Variants in FBXO4 observed in about 807,000 individuals in gnomAD.
The protein encoded by FBXO4 is F-box protein 4.
In FBXO4, 36 loss-of-function variants were observed where a neutral mutation model predicts 43.7. The observed-to-expected ratio is 0.82, with a 90% CI of 0.63 to 1.09. FBXO4 has a LOEUF of 1.09. Ranked by LOEUF, FBXO4 falls within the 50% of genes least tolerant of loss-of-function variation. The pLI is 0.00. For missense variants in FBXO4, 435 were observed against 474.1 expected, an observed-to-expected ratio of 0.92 and a Z score of 0.77; for synonymous variants, 180 against 165.6, an observed-to-expected ratio of 1.09 and a Z score of -0.67.
the FBXO4 span, among the ~76,000 whole-genome samples, chr5:42,014,508 C>A: frequency 1.3e-5 from 2 of 152,150 alleles, no homozygotes; most frequent in South Asian, 4.1e-4. Flanking sequence ...CCTCATGAGT[C>A]AGACAGGTTT....
the FBXO4 span, among the ~76,000 whole-genome samples, chr5:41,994,189 C>T: frequency 6.6e-6 from 1 of 152,108 alleles, no homozygotes; most frequent in Admixed American, 6.5e-5. Flanking sequence ...CACCAATCCC[C>T]AAACAAAATG....
the FBXO4 span, among the ~76,000 whole-genome samples, chr5:42,025,185 G>T: frequency 1.4e-4 from 22 of 151,926 alleles, no homozygotes; most frequent in Admixed American, 1.1e-3. Context: ...AGTGGATAGG[G>T]TTCCCTTTTC....
At chr5:41,934,053 A>G in intron 4 of FBXO4, 32 bp downstream of exon 4, 1 of 1,611,338 alleles carries the variant, frequency 6.2e-7, no homozygotes, top group African/African-American at 1.3e-5. Flanking sequence ...CTTAACTGAA[A>G]CATCAGAACT....
the FBXO4 span, among the ~76,000 whole-genome samples, chr5:41,996,876 C>T: frequency 2.0e-5 from 3 of 152,320 alleles, no homozygotes; most frequent in South Asian, 6.2e-4. Flanking sequence ...TCCTCTGGCA[C>T]ACAAATGTCT....
the FBXO4 span, among the ~76,000 whole-genome samples, chr5:42,009,486 A>G: frequency 6.6e-6 from 1 of 151,602 alleles, no homozygotes; most frequent in South Asian, 2.1e-4. Context: ...AAACTTTTCT[A>G]CTTTTGTTAT....
the FBXO4 span, among the ~76,000 whole-genome samples, chr5:41,987,813 C>T: frequency 6.6e-6 from 1 of 152,186 alleles, no homozygotes; most frequent in Non-Finnish European, 1.5e-5. Context: ...TTTTAATCTT[C>T]AGCATTTCAT....
the FBXO4 span, among the ~76,000 whole-genome samples, chr5:42,016,470 G>T: frequency 1.3e-5 from 2 of 151,192 alleles, no homozygotes; most frequent in Non-Finnish European, 2.9e-5. Flanking sequence ...AAGGATAGCA[G>T]ACTAGAAAAA....
chr5:42,007,293 A>G, the FBXO4 span, among the ~76,000 whole-genome samples: 1 of 151,830 alleles, frequency 6.6e-6, no homozygotes, highest in African/African-American at 2.4e-5. Flanking sequence ...GATTTATGAT[A>G]TTTTCATTTT....
the FBXO4 span, among the ~76,000 whole-genome samples, chr5:42,012,778 C>T: frequency 6.6e-6 from 1 of 152,262 alleles, no homozygotes; most frequent in Admixed American, 6.5e-5. Context: ...CTGCATATAA[C>T]TTCTGGCTCT....
chr5:41,944,497 T>A (rs1469321336), downstream of FBXO4, among the ~76,000 whole-genome samples: 15 of 152,332 alleles, frequency 9.8e-5, no homozygotes, highest in Non-Finnish European at 8.8e-5. Flanking sequence ...ACTTAGTGTT[T>A]GTGAAATTAT....
the FBXO4 span, among the ~76,000 whole-genome samples, chr5:41,994,501 C>A: frequency 2.0e-5 from 3 of 152,206 alleles, no homozygotes; most frequent in South Asian, 6.2e-4. Context: ...GATGGAGTGA[C>A]CCCAACCTTC....
the FBXO4 span, among the ~76,000 whole-genome samples, chr5:42,024,655 A>G: frequency 6.6e-6 from 1 of 151,942 alleles, no homozygotes; most frequent in Admixed American, 6.6e-5. Context: ...TTCATTCTTT[A>G]TAAATATTTT....
At chr5:41,959,195 G>C in the FBXO4 span, among the ~76,000 whole-genome samples, 1 of 152,076 alleles carries the variant, frequency 6.6e-6, no homozygotes, top group East Asian at 1.9e-4. Flanking sequence ...ATCTTCTTTT[G>C]AGAAATGTCA....
the FBXO4 span, among the ~76,000 whole-genome samples, chr5:41,996,241 GA>G: frequency 5.9e-5 from 9 of 152,156 alleles, no homozygotes; most frequent in Admixed American, 3.3e-4. Context: ...TGCTGTGCAC[GA>G]CCCACTTTAT....
the FBXO4 span, among the ~76,000 whole-genome samples, chr5:41,955,439 G>A: frequency 3.3e-5 from 5 of 152,174 alleles, no homozygotes; most frequent in African/African-American, 7.2e-5. Context: ...TTTATGAAAC[G>A]ATTTTCAAGA....
chr5:41,964,092 T>C, the FBXO4 span: 1 of 152,216 alleles, frequency 6.6e-6, no homozygotes, highest in Non-Finnish European at 1.5e-5. Context: ...TGTTGACTGT[T>C]TAATTATGAG....
At chr5:41,990,408 G>T in the FBXO4 span, among the ~76,000 whole-genome samples, 1 of 152,172 alleles carries the variant, frequency 6.6e-6, no homozygotes, top group African/African-American at 2.4e-5. Context: ...TATTCATGTG[G>T]ATGGGGAGAC....
chr5:41,926,500 GA>G (rs1751504856), intron 1 of FBXO4, among the ~76,000 whole-genome samples: 1 of 152,176 alleles, frequency 6.6e-6, no homozygotes, highest in South Asian at 2.1e-4. Context: ...GTGAACCTGG[GA>G]GACGGAGCTT....
At chr5:41,934,685 G>T (rs970467204) in intron 5 of FBXO4, 10 of 1,072,726 alleles carry the variant, frequency 9.3e-6, no homozygotes, top group East Asian at 7.0e-5. Context: ...CTGACATTTT[G>T]TCTGCTTCTG....
Sources: allele counts gnomAD v4.1 joint callset (sites outside exome capture counted in the v4.1 genomes callset), GRCh38; gene constraint gnomAD v4.1.1; transcripts MANE v1.5; gene names NCBI Gene and HGNC (gene_info 2026-07-23, HGNC 2026-07-21).